Variants in PRKG2 observed in about 807,000 individuals in gnomAD.
The protein encoded by PRKG2 is cGMP-dependent protein kinase 2.
In PRKG2, 33 loss-of-function variants were observed where a neutral mutation model predicts 97.2. The observed-to-expected ratio is 0.34, with a 90% confidence interval of 0.26 to 0.45. PRKG2 has a LOEUF of 0.45. Ranked by LOEUF, PRKG2 falls within the 20% of genes least tolerant of loss-of-function variation. The pLI is 1.00. For missense variants in PRKG2, 638 were observed against 900.0 expected (o/e 0.71, Z 3.73); for synonymous variants, 330 against 321.8 (o/e 1.03, Z -0.27).
At chr4:81,214,272 T>A (rs1754159490) in intron 1 of PRKG2, among the ~76,000 whole-genome samples, 1 of 151,888 alleles carries the variant, frequency 6.6e-6, no homozygotes, top group Non-Finnish European at 1.5e-5. Context: ...TCCTACCTAC[T>A]AATTCTGCAT....
intron 1 of PRKG2, among the ~76,000 whole-genome samples, chr4:81,211,211 A>G (rs1369729110): frequency 6.6e-6 from 1 of 152,156 alleles, no homozygotes; most frequent in Non-Finnish European, 1.5e-5. Flanking sequence ...ATGCATCAAT[A>G]TTTGTTCCAT....
At chr4:81,171,050 T>C (rs1750428726) in intron 4 of PRKG2, among the ~76,000 whole-genome samples, 1 of 152,128 alleles carries the variant, frequency 6.6e-6, no homozygotes, top group Non-Finnish European at 1.5e-5. Flanking sequence ...ATGCAAGACA[T>C]GCAGGTTTGT....
At chr4:81,210,779 T>C (rs776989424) in intron 1 of PRKG2, among the ~76,000 whole-genome samples, 2 of 152,082 alleles carry the variant, frequency 1.3e-5, no homozygotes, top group Non-Finnish European at 2.9e-5. Flanking sequence ...TGTTTATAAT[T>C]CCCAAAACCT....
chr4:81,158,991 T>C (rs1749365899), intron 6 of PRKG2, among the ~76,000 whole-genome samples: 1 of 151,444 alleles, frequency 6.6e-6, no homozygotes, highest in African/African-American at 2.5e-5. Flanking sequence ...ACGTTAGACC[T>C]AAAACCATAA....
intron 2 of PRKG2, among the ~76,000 whole-genome samples, chr4:81,177,303 T>C (rs1751015170): frequency 6.6e-6 from 1 of 152,236 alleles, no homozygotes; most frequent in Non-Finnish European, 1.5e-5. Flanking sequence ...TTCCAAACTT[T>C]TATAACTTGG....
At chr4:81,158,520 GC>G (rs1351817811) in intron 6 of PRKG2, among the ~76,000 whole-genome samples, 4 of 151,658 alleles carry the variant, frequency 2.6e-5, no homozygotes, top group African/African-American at 7.3e-5. Context: ...TGGCCATACT[GC>G]CCAAGGTAAT....
chr4:81,180,653 T>C (rs776217715), intron 2 of PRKG2, among the ~76,000 whole-genome samples: 1 of 151,988 alleles, frequency 6.6e-6, no homozygotes, highest in Non-Finnish European at 1.5e-5. Context: ...AAAGAAAAAA[T>C]AGACAAGTGT....
At chr4:81,215,861 T>C (rs1754252743), upstream of PRKG2, among the ~76,000 whole-genome samples, 1 of 151,934 alleles carries the variant, frequency 6.6e-6, no homozygotes, top group African/African-American at 2.4e-5. Flanking sequence ...AAGAAGATAA[T>C]GCTCTCTCGT....
At chr4:81,194,535 A>G (rs1752821015) in intron 2 of PRKG2, among the ~76,000 whole-genome samples, 1 of 152,236 alleles carries the variant, frequency 6.6e-6, no homozygotes. Context: ...TATTGCCCAT[A>G]TAATTAAATA....
At chr4:81,175,091 T>G (rs1750809546) in intron 2 of PRKG2, 132 bp from the exon 3 acceptor site, 2 of 816,778 alleles carry the variant, frequency 2.4e-6, no homozygotes, top group South Asian at 5.7e-5. Context: ...AACCTTTTTC[T>G]AACCCCACCA....
intron 6 of PRKG2, among the ~76,000 whole-genome samples, chr4:81,155,204 A>T (rs1484543957): frequency 6.6e-6 from 1 of 150,588 alleles, no homozygotes; most frequent in Non-Finnish European, 1.5e-5. Flanking sequence ...AGAATGTATA[A>T]CTAGGATAAC....
intron 6 of PRKG2, 76 bp from the exon 7 acceptor site, chr4:81,153,797 C>T (rs1379752224): frequency 1.2e-5 from 12 of 1,019,968 alleles, no homozygotes; most frequent in Non-Finnish European, 1.8e-5. Context: ...CTCCAGTATA[C>T]AGCTCCCAGC....
chr4:81,217,049 A>ATATATATATATATATG (rs1754304146), upstream of PRKG2, among the ~76,000 whole-genome samples: 2 of 141,674 alleles, frequency 1.4e-5, no homozygotes, highest in East Asian at 2.0e-4. Flanking sequence ...ATATATATAT[A>ATATATATATATATATG]TATATGTGTA....
intron 17 of PRKG2, among the ~76,000 whole-genome samples, chr4:81,096,871 C>A (rs536935820): frequency 6.6e-6 from 1 of 152,148 alleles, no homozygotes; most frequent in African/African-American, 2.4e-5. Flanking sequence ...CATTTATGAG[C>A]GTTAGGATCA....
At chr4:81,092,170 T>C (rs1305350413) in intron 18 of PRKG2, among the ~76,000 whole-genome samples, 1 of 152,080 alleles carries the variant, frequency 6.6e-6, no homozygotes, top group East Asian at 1.9e-4. Context: ...ATGTATTTGG[T>C]TCTTGACAGG....
At chr4:81,100,547 T>G (rs1742636493) in intron 17 of PRKG2, among the ~76,000 whole-genome samples, 1 of 152,092 alleles carries the variant, frequency 6.6e-6, no homozygotes. Context: ...TCCTTACACC[T>G]TATACAAAAA....
At chr4:81,140,870 T>C (rs974969711) in intron 11 of PRKG2, among the ~76,000 whole-genome samples, 2 of 152,206 alleles carry the variant, frequency 1.3e-5, no homozygotes, top group Non-Finnish European at 2.9e-5. Context: ...GATGTGGCTC[T>C]AAAATTTTTG....
At chr4:81,210,620 A>T (rs963335602) in intron 1 of PRKG2, among the ~76,000 whole-genome samples, 8 of 152,318 alleles carry the variant, frequency 5.3e-5, no homozygotes, top group African/African-American at 1.9e-4. Context: ...AAAATGATAT[A>T]GTTACATTAG....
At chr4:81,146,207 T>C (rs1747845479) in intron 9 of PRKG2, among the ~76,000 whole-genome samples, 1 of 152,196 alleles carries the variant, frequency 6.6e-6, no homozygotes, top group African/African-American at 2.4e-5. Flanking sequence ...AGTATTACTG[T>C]AAACAAATCT....
Sources: gnomAD v4.1 joint callset for allele counts (sites outside exome capture counted in the v4.1 genomes callset) on GRCh38, gnomAD v4.1.1 for gene constraint, MANE v1.5 for transcripts, NCBI Gene and HGNC (gene_info 2026-07-23, HGNC 2026-07-21) for gene names.